The following SLC8A1 variants were observed in gnomAD, a reference collection of about 807,000 sequenced individuals.
SLC8A1 encodes the protein sodium/calcium exchanger 1.
Under a neutral mutation model 68.3 loss-of-function variants are expected in SLC8A1, and 18 were observed. The ratio of observed to expected loss-of-function variants is 0.26; its 90% CI spans 0.18 to 0.39. SLC8A1 has a LOEUF of 0.39. Ranked by LOEUF, SLC8A1 falls within the 10% of genes least tolerant of loss-of-function variation. The pLI, the probability that SLC8A1 is intolerant of heterozygous loss-of-function variation, is 1.00. For synonymous variants in SLC8A1, 475 were observed against 415.5 expected (o/e 1.14, Z -1.74); for missense variants, 985 against 1,156.7 (o/e 0.85, Z 2.15).
intron 2 of SLC8A1, among the ~76,000 whole-genome samples, chr2:40,204,004 C>G (rs1377330007): frequency 6.6e-6 from 1 of 151,980 alleles, no homozygotes; most frequent in Non-Finnish European, 1.5e-5. Context: ...GTGTGAGCCA[C>G]CGTGCCCAGC....
intron 6 of SLC8A1, among the ~76,000 whole-genome samples, chr2:40,155,276 C>A (rs1295645444): frequency 6.6e-6 from 1 of 152,016 alleles, no homozygotes; most frequent in East Asian, 1.9e-4. Context: ...ACTACAGGCA[C>A]CCGCCACCAC....
intron 2 of SLC8A1, among the ~76,000 whole-genome samples, chr2:40,420,481 G>A (rs1695186091): frequency 2.0e-5 from 3 of 151,998 alleles, no homozygotes; most frequent in Non-Finnish European, 1.5e-5. Context: ...CAGAAAACTA[G>A]GAATAAAGAA....
At chr2:40,392,273 CAAG>C (rs1249166373) in intron 2 of SLC8A1, among the ~76,000 whole-genome samples, 1 of 149,420 alleles carries the variant, frequency 6.7e-6, no homozygotes, top group Admixed American at 6.6e-5. Flanking sequence ...AGCAAGCAAG[CAAG>C]AAAACCTAAA....
At chr2:40,406,504 C>T (rs1417486082) in intron 2 of SLC8A1, among the ~76,000 whole-genome samples, 2 of 152,156 alleles carry the variant, frequency 1.3e-5, no homozygotes, top group Non-Finnish European at 2.9e-5. Context: ...AAGTCTGCAG[C>T]TTTTCACTAT....
At chr2:40,219,102 T>C (rs1272285132) in intron 2 of SLC8A1, among the ~76,000 whole-genome samples, 1 of 152,096 alleles carries the variant, frequency 6.6e-6, no homozygotes, top group Non-Finnish European at 1.5e-5. Flanking sequence ...GAAGACTACA[T>C]GTAGGATTCT....
intron 2 of SLC8A1, among the ~76,000 whole-genome samples, chr2:40,422,646 G>T (rs567182714): frequency 1.3e-5 from 2 of 152,188 alleles, no homozygotes; most frequent in African/African-American, 4.8e-5. Context: ...ATTGTCAATG[G>T]CTAAGGACTC....
At chr2:40,190,331 C>T (rs114021911) in intron 2 of SLC8A1, among the ~76,000 whole-genome samples, 2,227 of 152,224 alleles carry the variant, frequency 0.015, 59 homozygotes, top group African/African-American at 0.05. Context: ...TATACACATA[C>T]GCAAACTGAG....
At chr2:40,214,575 G>A (rs2057159200) in intron 2 of SLC8A1, among the ~76,000 whole-genome samples, 1 of 151,692 alleles carries the variant, frequency 6.6e-6, no homozygotes, top group African/African-American at 2.4e-5. Flanking sequence ...CCGAGTAGCT[G>A]GGATTACAGG....
At chr2:40,486,968 A>T (rs1705009871) in intron 1 of SLC8A1, among the ~76,000 whole-genome samples, 1 of 148,966 alleles carries the variant, frequency 6.7e-6, no homozygotes. Context: ...GCATGGTCTC[A>T]CTCATAGGTG....
chr2:40,307,397 G>A (rs939303813), intron 2 of SLC8A1, among the ~76,000 whole-genome samples: 1 of 152,080 alleles, frequency 6.6e-6, no homozygotes, highest in Non-Finnish European at 1.5e-5. Flanking sequence ...GGGGAAAAGG[G>A]GAGTTGTTTA....
chr2:40,480,902 A>G (rs1704584625), intron 1 of SLC8A1, among the ~76,000 whole-genome samples: 2 of 152,196 alleles, frequency 1.3e-5, no homozygotes, highest in South Asian at 2.1e-4. Flanking sequence ...TTTTGAAGAG[A>G]TTCGTAGTAG....
At chr2:40,121,919 A>G (rs2036920828) in intron 7 of SLC8A1, among the ~76,000 whole-genome samples, 1 of 152,222 alleles carries the variant, frequency 6.6e-6, no homozygotes, top group South Asian at 2.1e-4. Context: ...CAAAGTCATT[A>G]AAAGACATTA....
rs543194094 is a variant in SLC8A1 at position 40,194,469 on chromosome 2, ATGTGTGTGTGTGTG to A, written c.1809-16628_1809-16615del. Among the ~76,000 whole-genome samples, 228 of 137,442 alleles carry A rather than the reference ATGTGTGTGTGTGTG, an allele frequency of 1.7e-3. 1 individual carries two copies. Among genetic ancestry groups the A allele is most frequent in the African/African-American group, 5.8e-3 (214 of 36,978 alleles). The allele number at this position is 137,442 out of a possible 152,430, so 90.2% of individuals were successfully genotyped here. ...AATGACTCAGGTTACTCAGTAAGCA[ATGTGTGTGTGTGTG>A]TGTGTGTGTGTGTGTGTGTGTGTGC... On this transcript the variant is annotated intron_variant, in intron 2 of 7. Coordinates refer to ENST00000406785, the Ensembl canonical transcript of SLC8A1.
At chr2:40,434,993 T>G (rs1237358403) in intron 1 of SLC8A1, among the ~76,000 whole-genome samples, 3 of 152,086 alleles carry the variant, frequency 2.0e-5, no homozygotes, top group Non-Finnish European at 4.4e-5. Context: ...CGGTGACCAT[T>G]CCCTGCTGGA....
intron 2 of SLC8A1, among the ~76,000 whole-genome samples, chr2:40,297,262 A>G (rs1211611225): frequency 6.6e-6 from 1 of 152,212 alleles, no homozygotes; most frequent in Non-Finnish European, 1.5e-5. Flanking sequence ...ACATGTTCAT[A>G]AACTATTGGG....
intron 1 of SLC8A1, among the ~76,000 whole-genome samples, chr2:40,462,314 C>T (rs917355359): frequency 6.6e-6 from 1 of 151,718 alleles, no homozygotes; most frequent in African/African-American, 2.4e-5. Context: ...GCCATAAAAT[C>T]CTACATTTAA....
chr2:40,123,029 G>C (rs1469140183), intron 7 of SLC8A1: 1 of 152,138 alleles, frequency 6.6e-6, no homozygotes, highest in African/African-American at 2.4e-5. Flanking sequence ...AACCAGCAGC[G>C]CAGCACTATT....
intron 1 of SLC8A1, among the ~76,000 whole-genome samples, chr2:40,433,719 C>G (rs146914138): frequency 1.1e-3 from 160 of 152,276 alleles, no homozygotes; most frequent in African/African-American, 3.3e-3. Context: ...AACTAAGACC[C>G]AACCCCTGGT....
intron 2 of SLC8A1, among the ~76,000 whole-genome samples, chr2:40,218,553 T>G (rs571934186): frequency 4.6e-5 from 7 of 152,304 alleles, no homozygotes; most frequent in African/African-American, 1.7e-4. Flanking sequence ...TGGCAAAATC[T>G]GCAATTAATT....
Sources: gnomAD v4.1 joint callset for allele counts (sites outside exome capture counted in the v4.1 genomes callset) on GRCh38, gnomAD v4.1.1 for gene constraint, MANE v1.5 for transcripts, NCBI Gene and HGNC (gene_info 2026-07-23, HGNC 2026-07-21) for gene names.